The following ERMAP variants were observed in gnomAD, a reference collection of about 807,000 sequenced individuals.
ERMAP encodes erythroblast membrane associated protein (Scianna blood group), also known as erythroid membrane-associated protein.
A neutral mutation model predicts 49.5 loss-of-function variants in ERMAP; 34 were observed. The observed-to-expected ratio is 0.69, with a 90% CI of 0.52 to 0.91. ERMAP has a LOEUF of 0.91. ERMAP is among the 40% of genes least tolerant of loss of function. The probability of loss-of-function intolerance (pLI) is 0.00; values close to 1 mark genes in which losing one functional copy is unlikely to be tolerated. For synonymous variants in ERMAP, 214 were observed against 232.2 expected (o/e 0.92, Z 0.71); for missense variants, 541 against 582.6 (o/e 0.93, Z 0.74).
intron 3 of ERMAP, 49 bp downstream of exon 3, chr1:42,830,582 G>C: frequency 1.3e-6 from 2 of 1,576,546 alleles, no homozygotes; most frequent in Non-Finnish European, 8.7e-7. Flanking sequence ...TGATATTGGC[G>C]TCCCCAGAAT....
Position 42,844,097 on chromosome 1 carries a change from GA to G in ERMAP, c.*870del. The stretch of plus-strand genomic sequence containing the variant: ...TCTGAGATTCAGAGAGGTCCAGCTA[GA>G]AAAAGTGGCAGTTTTAACCACCAAC... On this transcript the variant is annotated 3_prime_UTR_variant, in exon 12 of 12. Transcript: ENST00000372517. This position sits in a 1 kb window ranked among gnomAD's most constrained non-coding sequence, Gnocchi z 4.0. The G allele has an allele frequency of 2.5e-6, 1 of 398,590 alleles. No individual in the cohort carries two copies. Among genetic ancestry groups the G allele is most frequent in the Non-Finnish European group, 4.4e-6 (1 of 226,068 alleles). 24.7% of individuals were successfully genotyped at this position (398,590 alleles called of 1,614,324 possible). A position where few individuals can be genotyped will look rare whatever the true frequency, so the allele number is the denominator to read the frequency against.
chr1:42,833,409 C>T (rs560464308), intron 4 of ERMAP, among the ~76,000 whole-genome samples: 219 of 152,294 alleles, frequency 1.4e-3, no homozygotes, highest in African/African-American at 5.0e-3. Context: ...TATGTTTACA[C>T]ATGTGTATTC....
Position 42,830,541 on chromosome 1 carries a change from T to A in ERMAP, c.85+8T>A. On this transcript the variant is annotated splice_region_variant and intron_variant, in intron 3 of 11. Coordinates refer to ENST00000372517, the MANE Select transcript of ERMAP (RefSeq NM_001017922.2). ...TGTCTGTGCATGTGTCAGGTAGGAG[T>A]TTCTGATCCTCTTTCCCTGCCTGGT... is the stretch of plus-strand genomic sequence containing the variant. The A allele has an allele frequency of 6.2e-7, 1 of 1,612,512 alleles. No homozygotes were observed. The highest frequency in any genetic ancestry group is 8.5e-7 in the Non-Finnish European group (1 of 1,178,646).
Position 42,836,625 on chromosome 1 carries a change from G to A in ERMAP, c.584-533G>A, listed in dbSNP as rs556687471. ...AATCCTAGCACTTTGGGAGGCTGAA[G>A]AGGGTGGATCACCTGAGGTCGGGAG... On this transcript the variant is annotated intron_variant, in intron 6 of 11. Coordinates refer to ENST00000372517, the MANE Select transcript of ERMAP (RefSeq NM_001017922.2). Among the ~76,000 whole-genome samples, 52 of 152,306 alleles carry A rather than the reference G, an allele frequency of 3.4e-4. 1 individual carries two copies. The South Asian group carries it at 0.01, about 30-fold the overall frequency.
chr1:42,840,321 C>T (rs750076453), intron 11 of ERMAP, 25 bp downstream of exon 11: 4 of 1,613,892 alleles, frequency 2.5e-6, no homozygotes, highest in Non-Finnish European at 1.7e-6. Context: ...TCAAATAGGT[C>T]CATATCTCAG....
At position 42,835,076 on chromosome 1, in the gene ERMAP, C is replaced by G. The variant is rs1249137526; in HGVS notation, c.472C>G (p.Leu158Val). ...GAGTCTCTCCCCCTCAGCAGTGGCT[C>G]TGGCTGTGATCCTGCCTGTCCTGGT... is the stretch of plus-strand genomic sequence containing the variant. ...VGSLSPSAVA[L>V]AVILPVLVLL... The change falls in exon 5 of 12, where the codon CTG becomes GTG. Residue 158 changes from leucine to valine, a missense_variant. Coordinates refer to ENST00000372517, the MANE Select transcript of ERMAP (RefSeq NM_001017922.2). 1.9e-6 allele frequency: 3 copies of G among 1,577,414 alleles called. No homozygotes were observed. The East Asian group carries it at 6.7e-5, about 35-fold the overall frequency.
At chr1:42,828,275 C>T (rs1037677657) in intron 2 of ERMAP, among the ~76,000 whole-genome samples, 1 of 151,994 alleles carries the variant, frequency 6.6e-6, no homozygotes, top group African/African-American at 2.4e-5. Context: ...ACTTCATTTG[C>T]TTTTTATTTC....
At chr1:42,827,556 A>G (rs1351230941) in intron 2 of ERMAP, among the ~76,000 whole-genome samples, 1 of 152,240 alleles carries the variant, frequency 6.6e-6, no homozygotes, top group Non-Finnish European at 1.5e-5. Context: ...TGGGTGGAGG[A>G]ATTACAGATG....
At chr1:42,825,500 A>G in intron 1 of ERMAP, 123 bp from the exon 2 acceptor site, 1 of 1,186,104 alleles carries the variant, frequency 8.4e-7, no homozygotes, top group South Asian at 1.6e-5. Context: ...TATCAGGGGC[A>G]TACAGACAGG....
rs1401630197 is a variant in ERMAP at position 42,830,992 on chromosome 1, G to C, written c.310G>C (p.Ala104Pro). 1 of 1,614,236 alleles carries C rather than the reference G, an allele frequency of 6.2e-7. No individual in the cohort carries two copies. The change falls in exon 4 of 12, where the codon GCC (alanine) becomes CCC (proline). Residue 104 changes from alanine to proline, a missense_variant. Ala to Pro is a conservative substitution (Grantham distance 27). Transcript: ENST00000372517. ...YKGRTVLVRD[A>P]QEGSVTLQIL... The stretch of plus-strand genomic sequence containing the variant: ...GGGGAGGACGGTGCTAGTGAGAGAT[G>C]CCCAAGAGGGAAGTGTCACTCTGCA...
At chr1:42,830,211 A>G in intron 2 of ERMAP, 1 of 553,598 alleles carries the variant, frequency 1.8e-6, no homozygotes, top group Non-Finnish European at 3.2e-6. Flanking sequence ...CCCTCACCAT[A>G]ATCCCACAAG....
intron 8 of ERMAP, chr1:42,839,243 G>A (rs1654988574): frequency 4.3e-6 from 2 of 467,586 alleles, no homozygotes; most frequent in East Asian, 7.2e-5. Context: ...CAGGAGGACA[G>A]GATCCTTATT....
chr1:42,823,832 C>T (rs983412642), intron 1 of ERMAP, among the ~76,000 whole-genome samples: 19 of 152,194 alleles, frequency 1.2e-4, no homozygotes, highest in African/African-American at 4.6e-4. Context: ...GGTGCCACTT[C>T]CTGATTTGTG....
At position 42,830,992 on chromosome 1, in the gene ERMAP, G is replaced by A; in HGVS notation, c.310G>A (p.Ala104Thr). ...YKGRTVLVRD[A>T]QEGSVTLQIL... is the part of the protein sequence containing the mutation. ...GGGGAGGACGGTGCTAGTGAGAGATGCCCAAGAGGGAAGTGTCACTCTGCA... is the reference window on the plus strand; with the variant it reads ...GGGGAGGACGGTGCTAGTGAGAGATACCCAAGAGGGAAGTGTCACTCTGCA... The change falls in exon 4 of 12, where the codon GCC becomes ACC. Residue 104 changes from alanine (A) to threonine (T), a missense_variant. Transcript: ENST00000372517. 1 of 1,614,236 alleles carries A rather than the reference G, an allele frequency of 6.2e-7. No individual in the cohort carries two copies. Among genetic ancestry groups the A allele is most frequent in the Non-Finnish European group, 8.5e-7 (1 of 1,180,046 alleles).
intron 5 of ERMAP, 118 bp downstream of exon 5, chr1:42,835,272 A>C: frequency 1.5e-6 from 1 of 685,754 alleles, no homozygotes; most frequent in Non-Finnish European, 2.7e-6. Context: ...GGGACACTGC[A>C]AGTTGGCTGG....
intron 4 of ERMAP, among the ~76,000 whole-genome samples, chr1:42,834,464 T>C (rs946124238): frequency 2.0e-5 from 3 of 152,182 alleles, no homozygotes; most frequent in African/African-American, 4.8e-5. Flanking sequence ...CAGGATGAGA[T>C]TGTGGTCAAG....
At chr1:42,818,208 TA>T (rs1654299928) in intron 1 of ERMAP, among the ~76,000 whole-genome samples, 1 of 152,198 alleles carries the variant, frequency 6.6e-6, no homozygotes, top group South Asian at 2.1e-4. Context: ...AGTCAAACTG[TA>T]AATCGTTAAC....
intron 6 of ERMAP, among the ~76,000 whole-genome samples, chr1:42,836,612 T>C (rs898369813): frequency 6.6e-6 from 1 of 152,056 alleles, no homozygotes; most frequent in African/African-American, 2.4e-5. Flanking sequence ...TCCTAGCACT[T>C]TGGGAGGCTG....
intron 5 of ERMAP, 79 bp from the exon 6 acceptor site, chr1:42,835,653 C>G: frequency 6.3e-7 from 1 of 1,586,224 alleles, no homozygotes; most frequent in Non-Finnish European, 8.6e-7. Flanking sequence ...ACTCAGGCAG[C>G]TGGGGGCATC....
Sources: gnomAD v4.1 joint callset for allele counts (sites outside exome capture counted in the v4.1 genomes callset) on GRCh38, gnomAD v4.1.1 for gene constraint, Gnocchi (gnomAD v3.1) non-coding constraint, MANE v1.5 for transcripts, NCBI Gene and HGNC (gene_info 2026-07-23, HGNC 2026-07-21) for gene names.